Variants in MAEL observed in about 807,000 individuals in gnomAD.
The protein encoded by MAEL is maelstrom spermatogenic transposon silencer, also known as protein maelstrom homolog.
Under a neutral mutation model 62.0 loss-of-function variants are expected in MAEL, and 46 were observed. The observed-to-expected ratio is 0.74, with a 90% CI of 0.59 to 0.95. The LOEUF is 0.95. Among genes scored for constraint, MAEL ranks in the 40% least tolerant of loss-of-function variants. MAEL has a pLI of 0.00. For synonymous variants in MAEL, 172 were observed against 175.5 expected (o/e 0.98, Z 0.16); for missense variants, 497 against 526.8 (o/e 0.94, Z 0.55).
intron 5 of MAEL, among the ~76,000 whole-genome samples, chr1:167,003,408 C>T (rs1571259735): frequency 6.6e-6 from 1 of 152,048 alleles, no homozygotes; most frequent in African/African-American, 2.4e-5. Flanking sequence ...TTATTGTGTA[C>T]CTGATTGTTC....
rs768012972 is a variant in MAEL, at chr1:166,992,844, A to G, written c.481+3A>G. On this transcript the variant is annotated splice_donor_region_variant and intron_variant, in intron 4 of 11. Transcript: ENST00000367872. ...TTTCCACAGTTTTATAAATCCTGGT[A>G]AGTAGTCAGAGTAGATGCTAGATCT... 1.9e-6 allele frequency: 3 copies of G among 1,587,004 alleles called. No homozygotes were observed. Among genetic ancestry groups the G allele is most frequent in the Non-Finnish European group, 2.6e-6 (3 of 1,171,764 alleles).
chr1:166,992,707 A>AT lies in MAEL; in HGVS notation c.353dup (p.Leu118PhefsTer5). 6.3e-7 allele frequency: 1 copy of AT among 1,588,844 alleles called. No homozygotes were observed. On this transcript the variant is annotated frameshift_variant, in exon 4 of 12. Coordinates refer to ENST00000367872, the MANE Select transcript of MAEL (RefSeq NM_032858.3). LOFTEE classifies it high-confidence loss of function. ...TTAGCTCTCCTTGGAGGCATTTTTT[A>AT]TTTTTTGAACATTTTTAGCCATGGC...
rs1421272757 is a variant in MAEL, at chr1:167,021,330, A to G, written c.1117+170A>G. ...AGCACCTTAAACAATTTAGATGTGT[A>G]CATTTTTGGGTCACTTGGATACATT... On this transcript the variant is annotated intron_variant, in intron 11 of 11. Coordinates refer to ENST00000367872, the MANE Select transcript of MAEL (RefSeq NM_032858.3). Among the ~76,000 whole-genome samples, 6 of 152,204 alleles carry G rather than the reference A, an allele frequency of 3.9e-5. No individual in the cohort carries two copies. In the East Asian group the frequency reaches 1.2e-3, roughly 29 times the overall value.
Position 166,994,067 on chromosome 1 carries a change from C to T in MAEL, c.521C>T (p.Ala174Val). 1 of 1,612,774 alleles carries T rather than the reference C, an allele frequency of 6.2e-7. No individual in the cohort carries two copies. Among genetic ancestry groups the T allele is most frequent in the Non-Finnish European group, 8.5e-7 (1 of 1,179,248 alleles). ...GGATTTCGATTTCATTGTCAGGCTG[C>T]AAGTAAGTATAAAGGAATGGGGTAG... ...PRGFRFHCQA[A>V]SDSSHKIPIS... is the part of the protein sequence containing the mutation. Residue 174 changes from alanine to valine, a missense_variant and splice_region_variant, in exon 5 of 12, where the codon GCA becomes GTA. Physicochemically the swap from Ala to Val is moderately conservative, Grantham distance 64. Coordinates refer to ENST00000367872, the MANE Select transcript of MAEL (RefSeq NM_032858.3).
chr1:167,019,031 T>C (rs1189829385), intron 10 of MAEL, among the ~76,000 whole-genome samples: 1 of 152,114 alleles, frequency 6.6e-6, no homozygotes, highest in Non-Finnish European at 1.5e-5. Flanking sequence ...ACTTCAGAGC[T>C]CTCCATATGT....
chr1:166,991,357 A>G (rs990700914), intron 2 of MAEL, 21 bp from the exon 3 acceptor site: 2 of 1,514,404 alleles, frequency 1.3e-6, no homozygotes, highest in Non-Finnish European at 1.8e-6. Flanking sequence ...TTATGTGGCC[A>G]ATCATTCTCT....
In MAEL at chr1:166,989,814, G is replaced by A; in HGVS notation, c.210G>A (p.Gly70=). 6.2e-7 allele frequency: 1 copy of A among 1,612,712 alleles called. No homozygotes were observed. Among genetic ancestry groups the A allele is most frequent in the Non-Finnish European group, 8.5e-7 (1 of 1,179,658 alleles). ...GGGCCGCTCAGGGAAAGGACCCTGG[G>A]CCCTCAGAGAAGCAGGTAAAGTTAA... ...EWRAAQGKDP[G]PSEKQKPVFT... is the part of the protein sequence containing the mutation. Residue 70 remains glycine (G), a synonymous_variant, in exon 2 of 12, where the codon GGG becomes GGA. Coordinates refer to ENST00000367872, the MANE Select transcript of MAEL (RefSeq NM_032858.3).
chr1:167,003,891 A>C (rs1020761271), intron 5 of MAEL, among the ~76,000 whole-genome samples: 34 of 152,318 alleles, frequency 2.2e-4, no homozygotes, highest in Non-Finnish European at 3.2e-4. Flanking sequence ...TTACTGAACA[A>C]ACCTGGGTTT....
chr1:166,996,768 A>G (rs55636716), intron 5 of MAEL, among the ~76,000 whole-genome samples: 61,555 of 152,110 alleles, frequency 0.4, 13,634 homozygotes, highest in African/African-American at 0.6. Context: ...TTGTTTCAAC[A>G]TTTATGTAAT....
At chr1:166,985,725 T>C (rs1182111279), upstream of MAEL, among the ~76,000 whole-genome samples, 1 of 152,146 alleles carries the variant, frequency 6.6e-6, no homozygotes, top group Admixed American at 6.5e-5. Context: ...TATAGAAATA[T>C]GCAGCATTAA....
intron 5 of MAEL, among the ~76,000 whole-genome samples, chr1:166,999,144 A>G (rs778445081): frequency 7.9e-5 from 12 of 152,220 alleles, no homozygotes; most frequent in Non-Finnish European, 1.5e-4. Flanking sequence ...GAAGGGTTGC[A>G]TGTCTCTCAC....
At chr1:167,004,457 T>C (rs1664806226) in intron 6 of MAEL, among the ~76,000 whole-genome samples, 153 bp downstream of exon 6, 1 of 152,060 alleles carries the variant, frequency 6.6e-6, no homozygotes, top group Non-Finnish European at 1.5e-5. Context: ...TTAGGTATAG[T>C]GCCTATTTTA....
chr1:167,007,730 T>C (rs1160549600), intron 8 of MAEL, among the ~76,000 whole-genome samples: 1 of 152,106 alleles, frequency 6.6e-6, no homozygotes, highest in Non-Finnish European at 1.5e-5. Context: ...CTAGTTTTTT[T>C]ACTTTTTAAA....
At chr1:167,004,915 T>C (rs560833499) in intron 6 of MAEL, among the ~76,000 whole-genome samples, 161 bp from the exon 7 acceptor site, 1 of 152,314 alleles carries the variant, frequency 6.6e-6, no homozygotes, top group Admixed American at 6.5e-5. Context: ...ATGTCAATTT[T>C]TTATAGTTTT....
intron 5 of MAEL, among the ~76,000 whole-genome samples, chr1:167,001,864 C>G (rs939145426): frequency 2.6e-5 from 4 of 152,198 alleles, no homozygotes; most frequent in Non-Finnish European, 4.4e-5. Context: ...TTGCTATAGC[C>G]TCTGCCTACC....
intron 10 of MAEL, among the ~76,000 whole-genome samples, chr1:167,018,745 A>G (rs1008108461): frequency 7.9e-5 from 12 of 152,340 alleles, no homozygotes; most frequent in Non-Finnish European, 1.6e-4. Flanking sequence ...GCAGTCTCCA[A>G]AATTACGTAC....
chr1:166,995,086 A>G (rs1664361761), intron 5 of MAEL, among the ~76,000 whole-genome samples: 1 of 150,570 alleles, frequency 6.6e-6, no homozygotes, highest in Non-Finnish European at 1.5e-5. Flanking sequence ...TATAATACTT[A>G]CAACACTGTT....
chr1:166,981,294 T>C (rs1663751799), intron 1 of MAEL, among the ~76,000 whole-genome samples: 1 of 152,228 alleles, frequency 6.6e-6, no homozygotes, highest in Non-Finnish European at 1.5e-5. Flanking sequence ...CTGCCCCCAG[T>C]GTATTCATCT....
intron 10 of MAEL, among the ~76,000 whole-genome samples, chr1:167,019,246 A>G (rs1571281943): frequency 2.0e-5 from 3 of 152,214 alleles, no homozygotes; most frequent in Admixed American, 2.0e-4. Context: ...GCCTTCCACA[A>G]CAAAGCATTT....
Sources: gnomAD v4.1 joint callset for allele counts (sites outside exome capture counted in the v4.1 genomes callset) on GRCh38, gnomAD v4.1.1 for gene constraint, MANE v1.5 for transcripts, NCBI Gene and HGNC (gene_info 2026-07-23, HGNC 2026-07-21) for gene names.